IRAG2: variants seen among roughly 807,000 people sequenced by gnomAD.
The protein encoded by IRAG2 is inositol 1,4,5-triphosphate receptor associated 2.
IRAG2 carries 45 observed loss-of-function variants against 69.9 expected under a neutral mutation model. The ratio of observed to expected loss-of-function variants is 0.64; its 90% CI spans 0.51 to 0.83. IRAG2 has a LOEUF of 0.83. IRAG2 is among the 40% of genes least tolerant of loss of function. IRAG2 has a pLI of 0.00. For missense variants in IRAG2, 520 were observed against 587.0 expected (o/e 0.89, Z 1.18); for synonymous variants, 193 against 202.4 (o/e 0.95, Z 0.40).
intron 6 of IRAG2, among the ~76,000 whole-genome samples, chr12:25,019,600 C>T (rs975612057): frequency 1.4e-4 from 22 of 152,204 alleles, no homozygotes; most frequent in African/African-American, 4.8e-4. Context: ...CACTGCTCTG[C>T]TCCTCTGCCA....
At position 25,102,137 on chromosome 12, in the gene IRAG2, T is replaced by C. The variant is rs1948790860; in HGVS notation, c.890-61T>C. The C allele has an allele frequency of 3.8e-6, 5 of 1,316,902 alleles. No homozygotes were observed. The South Asian group carries it at 4.8e-5, about 13-fold the overall frequency. The allele number at this position is 1,316,902 out of a possible 1,614,324, so 81.6% of individuals were successfully genotyped here. On this transcript the variant is annotated intron_variant, in intron 16 of 21. Coordinates refer to ENST00000556887, the MANE Select transcript of IRAG2 (RefSeq NM_001366544.2). ...GCTTTACCTTTAAAGAATTAAGACG[T>C]TGCTTTAACATAAATGGCATGTGTA...
intron 7 of IRAG2, among the ~76,000 whole-genome samples, chr12:25,022,319 C>A (rs1048308812): frequency 6.6e-6 from 1 of 151,982 alleles, no homozygotes; most frequent in Non-Finnish European, 1.5e-5. Context: ...CATGGTGAAA[C>A]CCCATCTCAA....
At chr12:25,021,804 CTT>C (rs2139836391) in intron 7 of IRAG2, among the ~76,000 whole-genome samples, 1 of 152,320 alleles carries the variant, frequency 6.6e-6, no homozygotes, top group Admixed American at 6.5e-5. Context: ...GTGGCAGTCC[CTT>C]ATGACCTCCC....
chr12:25,048,543 C>T (rs4963599), upstream of IRAG2, among the ~76,000 whole-genome samples: 51,117 of 151,890 alleles, frequency 0.34, 10,251 homozygotes, highest in Admixed American at 0.49. Context: ...GCAATCCACC[C>T]GCCTCAGCCT....
At chr12:25,003,610 G>A (rs188903637), upstream of IRAG2, among the ~76,000 whole-genome samples, 37 of 151,676 alleles carry the variant, frequency 2.4e-4, no homozygotes, top group Admixed American at 1.1e-3. Context: ...TTTTTTAAAG[G>A]TCATATATCT....
chr12:25,058,674 G>A (rs554425355), intron 1 of IRAG2, among the ~76,000 whole-genome samples: 114 of 152,244 alleles, frequency 7.5e-4, no homozygotes, highest in African/African-American at 2.7e-3. Context: ...AATTAATTGT[G>A]GGGCCTTTGC....
In IRAG2 at chr12:25,107,976, A is replaced by G; in HGVS notation, c.1416A>G (p.Thr472=). 1 of 1,614,188 alleles carries G rather than the reference A, an allele frequency of 6.2e-7. No individual in the cohort carries two copies. Among genetic ancestry groups the G allele is most frequent in the Non-Finnish European group, 8.5e-7 (1 of 1,180,034 alleles). Residue 472 remains threonine, a synonymous_variant, in exon 22 of 22, where the codon ACA becomes ACG. Coordinates refer to ENST00000556887, the MANE Select transcript of IRAG2 (RefSeq NM_001366544.2). ...AGAAGTCTGTGGATGCCGCTCCCAC[A>G]CAGCAAGAGGACTCATGGACGTCTC... The part of the protein sequence containing the change: ...LFQKSVDAAP[T]QQEDSWTSLE...
intron 3 of IRAG2, among the ~76,000 whole-genome samples, chr12:25,013,353 C>T (rs1327138546): frequency 6.6e-6 from 1 of 152,154 alleles, no homozygotes; most frequent in African/African-American, 2.4e-5. Context: ...TGGCATGCGC[C>T]TGTAGTCCAG....
chr12:25,018,193 C>CTTTTTTTTT (rs56659655), intron 6 of IRAG2, among the ~76,000 whole-genome samples: 58 of 105,424 alleles, frequency 5.5e-4, no homozygotes, highest in Non-Finnish European at 8.6e-4. Flanking sequence ...TTTCTTTCTT[C>CTTTTTTTTT]TTTTTTTTTT....
At chr12:25,002,107 GA>G (rs1375181149), upstream of IRAG2, among the ~76,000 whole-genome samples, 1 of 152,150 alleles carries the variant, frequency 6.6e-6, no homozygotes, top group Admixed American at 6.5e-5. Context: ...AGGGAAGTCA[GA>G]TGTGTTCCTG....
Position 25,063,792 on chromosome 12 carries a change from A to G in IRAG2, c.-231A>G. On this transcript the variant is annotated 5_prime_UTR_variant, in exon 4 of 22. The change creates a new upstream start codon in the 5' untranslated region. Transcript: ENST00000556887. ...TCAGACACCCCTGACCTTGAAACAT[A>G]CGTGCTGGTACACACCTCTGCTGGG... is the stretch of plus-strand genomic sequence containing the variant. The G allele has an allele frequency of 2.5e-6, 1 of 399,096 alleles. No homozygotes were observed. The highest frequency in any genetic ancestry group is 3.6e-5 in the East Asian group (1 of 28,086). The allele number at this position is 399,096 out of a possible 1,614,324, so 24.7% of individuals were successfully genotyped here.
intron 15 of IRAG2, among the ~76,000 whole-genome samples, chr12:25,037,687 T>C (rs1944712456): frequency 6.6e-6 from 1 of 152,212 alleles, no homozygotes; most frequent in South Asian, 2.1e-4. Context: ...ACTACTGAAG[T>C]TGTCAGGGGA....
rs181589170 is a variant in IRAG2 at position 25,104,132 on chromosome 12, A to G, written c.1046+74A>G. 3.5e-5 allele frequency: 43 copies of G among 1,218,856 alleles called. No homozygotes were observed. The Admixed American group carries it at 5.7e-4, about 16-fold the overall frequency. 75.5% of individuals were successfully genotyped at this position (1,218,856 alleles called of 1,614,324 possible). A position where few individuals can be genotyped will look rare whatever the true frequency, so the allele number is the denominator to read the frequency against. On this transcript the variant is annotated intron_variant, in intron 19 of 21. Coordinates refer to ENST00000556887, the MANE Select transcript of IRAG2 (RefSeq NM_001366544.2). ...TTGGGCTAACCTAAATGAGTGCTCA[A>G]ATTAAGTGATATAGTAATGTTTGAT...
chr12:25,077,287 AT>A (rs1199504043), intron 6 of IRAG2, among the ~76,000 whole-genome samples: 960 of 13,826 alleles, frequency 0.069, 330 homozygotes, highest in East Asian at 0.6. Context: ...AATATATATG[AT>A]ATATATATGA....
intron 6 of IRAG2, 53 bp downstream of exon 6, chr12:25,069,484 C>G: frequency 6.9e-7 from 1 of 1,451,178 alleles, no homozygotes; most frequent in Non-Finnish European, 9.7e-7. Flanking sequence ...ATATCCTGTT[C>G]TTCTTCTATG....
At chr12:25,015,896 G>A (rs529853208) in intron 5 of IRAG2, among the ~76,000 whole-genome samples, 1 of 152,146 alleles carries the variant, frequency 6.6e-6, no homozygotes, top group Admixed American at 6.5e-5. Context: ...AGGTTTATCC[G>A]TAAAGAAAAG....
chr12:25,004,728 G>A lies in IRAG2; in HGVS notation c.387G>A (p.Lys129=), dbSNP rs1200372207. 4 of 1,231,982 alleles carry A rather than the reference G, an allele frequency of 3.2e-6. No homozygotes were observed. The African/African-American group carries it at 6.2e-5, about 19-fold the overall frequency. The allele number at this position is 1,231,982 out of a possible 1,614,324, so 76.3% of individuals were successfully genotyped here. A position where few individuals can be genotyped will look rare whatever the true frequency, so the allele number is the denominator to read the frequency against. Residue 129 remains lysine (K), a synonymous_variant, in exon 1 of 39, where the codon AAG becomes AAA. Transcript: ENST00000636465. Reference sequence around the variant, plus strand: ...CAAAGCCGAAGTCACAGAGCAACAAGAATTATACATCTTTGATGTCACAGA... The same window carrying A: ...CAAAGCCGAAGTCACAGAGCAACAAAAATTATACATCTTTGATGTCACAGA...
intron 20 of IRAG2, among the ~76,000 whole-genome samples, 186 bp from the exon 21 acceptor site, chr12:25,106,757 T>G (rs1172762930): frequency 6.6e-6 from 1 of 151,832 alleles, no homozygotes; most frequent in Non-Finnish European, 1.5e-5. Context: ...TAATTAAATT[T>G]CTATAAAAGG....
upstream of IRAG2, chr12:25,052,270 A>T (rs1022321861): frequency 1.4e-4 from 54 of 390,394 alleles, no homozygotes; most frequent in Non-Finnish European, 2.3e-4. Context: ...CAACTACAGG[A>T]AGATGCTGTC....
Sources: gnomAD v4.1 joint callset for allele counts (sites outside exome capture counted in the v4.1 genomes callset) on GRCh38, gnomAD v4.1.1 for gene constraint, MANE v1.5 for transcripts, NCBI Gene and HGNC (gene_info 2026-07-23, HGNC 2026-07-21) for gene names.